GRM7: variants seen among roughly 807,000 people sequenced by gnomAD.
GRM7 encodes the protein metabotropic glutamate receptor 7.
Under a neutral mutation model 84.5 loss-of-function variants are expected in GRM7, and 35 were observed. The ratio of observed to expected loss-of-function variants is 0.41; its 90% CI spans 0.32 to 0.55. The LOEUF is 0.55. Ranked by LOEUF, GRM7 falls within the 20% of genes least tolerant of loss-of-function variation. The pLI, the probability that GRM7 is intolerant of heterozygous loss-of-function variation, is 0.19. For synonymous variants in GRM7, 487 were observed against 455.1 expected, an observed-to-expected ratio of 1.07 and a Z score of -0.89; for missense variants, 1,003 against 1,194.6, an observed-to-expected ratio of 0.84 and a Z score of 2.36.
At chr3:7,512,744 A>G in intron 7 of GRM7, among the ~76,000 whole-genome samples, 1 of 152,134 alleles carries the variant, frequency 6.6e-6, no homozygotes, top group East Asian at 1.9e-4. Flanking sequence ...ATTTTTATCC[A>G]ACCTGGAGGA....
intron 9 of GRM7, 49 bp downstream of exon 9, chr3:7,680,344 T>C (rs764795121): frequency 6.3e-7 from 1 of 1,594,118 alleles, no homozygotes. Flanking sequence ...ATCAGGAAGC[T>C]CTAGAAGATG....
Position 6,882,259 on chromosome 3 carries a change from C to T in GRM7, c.519+20352C>T, listed in dbSNP as rs141851552. On this transcript the variant is annotated intron_variant, in intron 1 of 9. Transcript: ENST00000357716. ...GCTGATTTTCTTTTGTACAAATACT[C>T]TGAGCCATGTTGCAGGGTAATTGGA... Among the ~76,000 whole-genome samples, 688 of 152,214 alleles carry T rather than the reference C, an allele frequency of 4.5e-3. 4 individuals carry two copies. The highest frequency in any genetic ancestry group is 0.015 in the African/African-American group (608 of 41,532).
chr3:7,376,590 C>A (rs1166658048), intron 4 of GRM7, among the ~76,000 whole-genome samples: 1 of 152,212 alleles, frequency 6.6e-6, no homozygotes, highest in Non-Finnish European at 1.5e-5. Flanking sequence ...TTGCAATGTG[C>A]AGCTCTCAGG....
chr3:7,451,128 A>G (rs1697748223), intron 5 of GRM7, among the ~76,000 whole-genome samples: 2 of 152,226 alleles, frequency 1.3e-5, no homozygotes, highest in African/African-American at 4.8e-5. Flanking sequence ...TGTGAAAGTG[A>G]AATGCAATTT....
intron 2 of GRM7, among the ~76,000 whole-genome samples, chr3:7,213,382 A>G (rs1559505602): frequency 6.6e-6 from 1 of 152,210 alleles, no homozygotes; most frequent in Non-Finnish European, 1.5e-5. Flanking sequence ...AGCAAATCAT[A>G]CAACTTAAGA....
chr3:7,465,143 T>A (rs1698411360), intron 7 of GRM7, among the ~76,000 whole-genome samples: 1 of 152,196 alleles, frequency 6.6e-6, no homozygotes, highest in African/African-American at 2.4e-5. Flanking sequence ...GGTTTGTTCT[T>A]GGCTTGGAAC....
At chr3:7,008,627 TTGA>T (rs1276532136) in intron 1 of GRM7, among the ~76,000 whole-genome samples, 3 of 152,222 alleles carry the variant, frequency 2.0e-5, no homozygotes, top group Non-Finnish European at 4.4e-5. Context: ...AGAAAACAAC[TTGA>T]TGATGATTTT....
chr3:7,653,180 C>CATT (rs1440978783), intron 8 of GRM7, among the ~76,000 whole-genome samples: 3 of 89,520 alleles, frequency 3.4e-5, no homozygotes, highest in Admixed American at 1.4e-4. Flanking sequence ...ATACTATATC[C>CATT]TTTTTTTTTT....
chr3:7,007,276 C>A (rs1276867895), intron 1 of GRM7, among the ~76,000 whole-genome samples: 3 of 152,130 alleles, frequency 2.0e-5, no homozygotes, highest in Non-Finnish European at 4.4e-5. Context: ...GATGGCCACA[C>A]CTAACCTGTA....
chr3:6,917,064 C>T (rs1394128808), intron 1 of GRM7, among the ~76,000 whole-genome samples: 1 of 152,130 alleles, frequency 6.6e-6, no homozygotes, highest in East Asian at 1.9e-4. Context: ...CCATGCCAGT[C>T]ACTAGTTGTG....
chr3:7,286,589 T>C (rs777141157), intron 2 of GRM7, among the ~76,000 whole-genome samples: 3 of 152,178 alleles, frequency 2.0e-5, no homozygotes, highest in Admixed American at 6.5e-5. Context: ...GTGAAAATAA[T>C]GTCTTATCCT....
intron 9 of GRM7, chr3:7,686,350 C>T: frequency 1.7e-6 from 2 of 1,170,556 alleles, no homozygotes; most frequent in Non-Finnish European, 2.6e-6. Flanking sequence ...ATTTACTTTT[C>T]CTGTAGACTG....
At chr3:7,388,008 C>G (rs2125137191) in intron 4 of GRM7, among the ~76,000 whole-genome samples, 1 of 152,122 alleles carries the variant, frequency 6.6e-6, no homozygotes, top group African/African-American at 2.4e-5. Flanking sequence ...CTTTTATCTC[C>G]TTTCTTAGAT....
rs543901821 is a variant in GRM7, at chr3:7,614,370, C to T, written c.2451+35013C>T. On this transcript the variant is annotated intron_variant, in intron 8 of 9. Transcript: ENST00000357716. ...GGTGCCCTTTTCCCCCACTTCCAGT[C>T]ACCATCCCTCTGTAGTTTGGAGAAG... 2.0e-5 allele frequency among the ~76,000 whole-genome samples: 3 copies of T among 152,296 alleles called. No individual in the cohort carries two copies. In the South Asian group the frequency reaches 6.2e-4, roughly 32 times the overall value.
chr3:6,924,094 T>A (rs1469562349), intron 1 of GRM7, among the ~76,000 whole-genome samples: 1 of 152,190 alleles, frequency 6.6e-6, no homozygotes, highest in Non-Finnish European at 1.5e-5. Flanking sequence ...TCCTCTTCTA[T>A]AAAATGTGAA....
intron 8 of GRM7, among the ~76,000 whole-genome samples, chr3:7,677,262 T>TAAAAAAAAAAAAAAA (rs557488794): frequency 2.7e-5 from 1 of 36,980 alleles, no homozygotes; most frequent in East Asian, 4.7e-4. Flanking sequence ...ACTCTGTCTT[T>TAAAAAAAAAAAAAAA]AAAAAAAAAA....
chr3:7,208,226 C>A (rs1237305725), intron 2 of GRM7, among the ~76,000 whole-genome samples: 2 of 152,076 alleles, frequency 1.3e-5, no homozygotes, highest in African/African-American at 4.8e-5. Flanking sequence ...ATAATTTTTT[C>A]AGTGGCAATA....
Position 6,924,308 on chromosome 3 carries a change from A to T in GRM7, c.519+62401A>T, listed in dbSNP as rs1575020266. Among the ~76,000 whole-genome samples the T allele has an allele frequency of 2.6e-5, 4 of 152,332 alleles. No individual in the cohort carries two copies. In the South Asian group the frequency reaches 8.3e-4, roughly 32 times the overall value. On this transcript the variant is annotated intron_variant, in intron 1 of 9. Coordinates refer to ENST00000357716, the MANE Select transcript of GRM7 (RefSeq NM_000844.4). ...AAAGAGATAGACAAATATCTCCAAG[A>T]TCATCAAAATCAAAGATAAAATGAG...
chr3:7,645,561 A>G (rs985397433), intron 8 of GRM7, among the ~76,000 whole-genome samples: 27 of 150,898 alleles, frequency 1.8e-4, no homozygotes, highest in Non-Finnish European at 3.1e-4. Flanking sequence ...AAAAAAAAAA[A>G]AAAAAAAAAA....
Sources: allele counts gnomAD v4.1 joint callset (sites outside exome capture counted in the v4.1 genomes callset), GRCh38; gene constraint gnomAD v4.1.1; transcripts MANE v1.5; gene names NCBI Gene and HGNC (gene_info 2026-07-23, HGNC 2026-07-21).